CDC42BPA: variants seen among roughly 807,000 people sequenced by gnomAD.
CDC42BPA encodes the protein serine/threonine-protein kinase MRCK alpha.
In CDC42BPA, 80 loss-of-function variants were observed where a neutral mutation model predicts 223.5. That is an observed-to-expected ratio of 0.36 (90% CI 0.30 to 0.43). The LOEUF is 0.43. Among genes scored for constraint, CDC42BPA ranks in the 20% least tolerant of loss-of-function variants. The pLI is 1.00. For synonymous variants in CDC42BPA, 694 were observed against 718.6 expected (o/e 0.97, Z 0.55); for missense variants, 1,743 against 2,099.9 (o/e 0.83, Z 3.32).
rs553470327 is a variant in CDC42BPA, at chr1:227,276,132, G to A, written c.179-21977C>T. Among the ~76,000 whole-genome samples, 750 of 151,656 alleles carry A rather than the reference G, an allele frequency of 4.9e-3. 5 individuals are homozygous for A. Among genetic ancestry groups the A allele is most frequent in the African/African-American group, 0.017 (700 of 41,296 alleles). The stretch of plus-strand genomic sequence containing the variant: ...GGGAAGTGAGGAGCGCCTCTTCCCG[G>A]CCGCCATCACGTCTAGGAAGTGAGG... On this transcript the variant is annotated intron_variant, in intron 1 of 36. Coordinates refer to ENST00000366766, the MANE Select transcript of CDC42BPA (RefSeq NM_001394014.1).
At chr1:227,059,421 A>AG (rs1305301315) in intron 21 of CDC42BPA, 1 of 1,559,600 alleles carries the variant, frequency 6.4e-7, no homozygotes, top group Non-Finnish European at 8.7e-7. Context: ...GCTTCAACAG[A>AG]GAAAGGAGAA....
chr1:227,159,873 C>A (rs1663552080), intron 6 of CDC42BPA, among the ~76,000 whole-genome samples: 1 of 151,690 alleles, frequency 6.6e-6, no homozygotes, highest in Non-Finnish European at 1.5e-5. Flanking sequence ...GGAGACAGGA[C>A]TTCACTGTTG....
chr1:227,104,067 A>G (rs1189288339), intron 14 of CDC42BPA, among the ~76,000 whole-genome samples: 1 of 152,160 alleles, frequency 6.6e-6, no homozygotes, highest in African/African-American at 2.4e-5. Context: ...AGTTTTATGA[A>G]TTGGTAAGAA....
chr1:227,131,917 A>G (rs1657183583), intron 10 of CDC42BPA, among the ~76,000 whole-genome samples: 1 of 152,202 alleles, frequency 6.6e-6, no homozygotes, highest in Non-Finnish European at 1.5e-5. Flanking sequence ...GTGGTTCTCT[A>G]CTGCAGGTGG....
At chr1:227,136,023 A>G (rs900480357) in intron 10 of CDC42BPA, among the ~76,000 whole-genome samples, 1 of 152,074 alleles carries the variant, frequency 6.6e-6, no homozygotes, top group Non-Finnish European at 1.5e-5. Flanking sequence ...CTTTCACATG[A>G]GACATTTGGA....
chr1:227,108,419 T>TTC (rs1686299403), intron 14 of CDC42BPA, among the ~76,000 whole-genome samples: 2 of 152,000 alleles, frequency 1.3e-5, no homozygotes, highest in South Asian at 2.1e-4. Context: ...GTTTTTTTTT[T>TTC]CCCTGTAATT....
intron 1 of CDC42BPA, among the ~76,000 whole-genome samples, chr1:227,299,934 GA>G (rs1691328005): frequency 6.6e-6 from 1 of 152,160 alleles, no homozygotes; most frequent in African/African-American, 2.4e-5. Context: ...CTCGTCCTCT[GA>G]AAACCTGACT....
At chr1:227,313,947 G>A (rs1693954289) in intron 1 of CDC42BPA, among the ~76,000 whole-genome samples, 1 of 151,872 alleles carries the variant, frequency 6.6e-6, no homozygotes. Context: ...AATTCAAAAA[G>A]CATCAAAATA....
chr1:227,139,626 C>CT lies in CDC42BPA; in HGVS notation c.1339dup (p.Arg447LysfsTer3). ...TTTTTCTTGCTCAAGGCGCTTAATT[C>CT]TTCTTTCATAAGCTTCAGTTGCTAA... On this transcript the variant is annotated frameshift_variant, in exon 10 of 37. Coordinates refer to ENST00000366766, the MANE Select transcript of CDC42BPA (RefSeq NM_001394014.1). LOFTEE classifies it high-confidence loss of function. 6.2e-7 allele frequency: 1 copy of CT among 1,610,078 alleles called. No homozygotes were observed. The highest frequency in any genetic ancestry group is 8.5e-7 in the Non-Finnish European group (1 of 1,178,542).
At chr1:227,268,243 T>C (rs1572741344) in intron 1 of CDC42BPA, among the ~76,000 whole-genome samples, 1 of 152,170 alleles carries the variant, frequency 6.6e-6, no homozygotes, top group Non-Finnish European at 1.5e-5. Context: ...TATGTATTGT[T>C]TTCGTTTGCT....
chr1:227,198,908 C>T (rs564838079), intron 4 of CDC42BPA, among the ~76,000 whole-genome samples: 8 of 151,976 alleles, frequency 5.3e-5, no homozygotes, highest in Non-Finnish European at 7.4e-5. Context: ...CCACCACGCC[C>T]GGCTAATTTT....
chr1:227,230,865 G>C (rs1192193736), intron 2 of CDC42BPA, among the ~76,000 whole-genome samples: 1 of 127,032 alleles, frequency 7.9e-6, no homozygotes, highest in African/African-American at 3.0e-5. Context: ...TCTGTTACCA[G>C]GCTGGAGTGC....
intron 5 of CDC42BPA, among the ~76,000 whole-genome samples, chr1:227,178,682 A>G (rs1208891823): frequency 6.6e-6 from 1 of 152,106 alleles, no homozygotes; most frequent in Admixed American, 6.6e-5. Flanking sequence ...TTTAGTAGAG[A>G]CGGGGTTTCT....
chr1:226,999,844 C>T (rs1404434299), intron 35 of CDC42BPA, among the ~76,000 whole-genome samples: 1 of 149,576 alleles, frequency 6.7e-6, no homozygotes, highest in Non-Finnish European at 1.5e-5. Context: ...CAAACTAACA[C>T]AGGAACAGAA....
intron 17 of CDC42BPA, among the ~76,000 whole-genome samples, chr1:227,078,727 T>A (rs1680004290): frequency 6.6e-6 from 1 of 152,150 alleles, no homozygotes; most frequent in South Asian, 2.1e-4. Flanking sequence ...TTGTTTTGTA[T>A]TAAAACTGTT....
intron 21 of CDC42BPA, among the ~76,000 whole-genome samples, chr1:227,056,881 GTAAATAC>G (rs1488435131): frequency 6.6e-6 from 1 of 152,170 alleles, no homozygotes; most frequent in Non-Finnish European, 1.5e-5. Context: ...TTGGAAAACA[GTAAATAC>G]ATTTTATTGC....
intron 2 of CDC42BPA, among the ~76,000 whole-genome samples, chr1:227,251,731 C>G (rs377478739): frequency 6.6e-6 from 1 of 151,980 alleles, no homozygotes; most frequent in East Asian, 1.9e-4. Flanking sequence ...TAAAGAAATC[C>G]TCCCTCAGGA....
Position 227,034,728 on chromosome 1 carries a change from G to GT in CDC42BPA, c.3402dup (p.Leu1135ThrfsTer8). ...CCTTCAGCAATATCGTACAGAAAGA[G>GT]TTTGAAGTCACACACTATAGCCAGT... On this transcript the variant is annotated frameshift_variant, in exon 26 of 37. Coordinates refer to ENST00000366766, the MANE Select transcript of CDC42BPA (RefSeq NM_001394014.1). LOFTEE classifies it high-confidence loss of function. 6.2e-7 allele frequency: 1 copy of GT among 1,613,762 alleles called. No homozygotes were observed. The highest frequency in any genetic ancestry group is 8.5e-7 in the Non-Finnish European group (1 of 1,179,770).
chr1:227,197,324 C>T (rs1188430959), intron 4 of CDC42BPA, among the ~76,000 whole-genome samples: 1 of 152,062 alleles, frequency 6.6e-6, no homozygotes, highest in African/African-American at 2.4e-5. Context: ...TTGATGATAA[C>T]CAAGACCTCT....
Sources: gnomAD v4.1 joint callset for allele counts (sites outside exome capture counted in the v4.1 genomes callset) on GRCh38, gnomAD v4.1.1 for gene constraint, MANE v1.5 for transcripts, NCBI Gene and HGNC (gene_info 2026-07-23, HGNC 2026-07-21) for gene names.